ENOX1: variants seen among roughly 807,000 people sequenced by gnomAD.
ENOX1 encodes candidate growth-related and time keeping constitutive hydroquinone (NADH) oxidase.
Under a neutral mutation model 82.5 loss-of-function variants are expected in ENOX1, and 42 were observed. The observed-to-expected ratio is 0.51, with a 90% confidence interval of 0.40 to 0.66. The LOEUF (loss-of-function observed/expected upper bound fraction) is 0.66, where lower values mean the gene tolerates loss of function less well. Ranked by LOEUF, ENOX1 falls within the 30% of genes least tolerant of loss-of-function variation. The pLI, the probability that ENOX1 is intolerant of heterozygous loss-of-function variation, is 0.00. For synonymous variants in ENOX1, 271 were observed against 282.2 expected (o/e 0.96, Z 0.40); for missense variants, 608 against 811.6 (o/e 0.75, Z 3.05).
At chr13:43,770,417 G>T (rs1013134981) in intron 1 of ENOX1, among the ~76,000 whole-genome samples, 3 of 152,108 alleles carry the variant, frequency 2.0e-5, no homozygotes. Flanking sequence ...TATAAAGAAA[G>T]AAATCCTATA....
In ENOX1 at chr13:43,224,010, C is replaced by G. The variant is rs749847183; in HGVS notation, c.1800+43G>C. The G allele has an allele frequency of 2.7e-6, 4 of 1,490,668 alleles. No individual in the cohort carries two copies. The South Asian group carries it at 4.6e-5, about 17-fold the overall frequency. 92.3% of individuals were successfully genotyped at this position (1,490,668 alleles called of 1,614,324 possible). A position where few individuals can be genotyped will look rare whatever the true frequency, so the allele number is the denominator to read the frequency against. On this transcript the variant is annotated intron_variant, in intron 16 of 16. Coordinates refer to ENST00000690772, the MANE Select transcript of ENOX1 (RefSeq NM_001347969.2). The stretch of plus-strand genomic sequence containing the variant: ...CCACCTGCAGGCAGCAATCAACATG[C>G]TAAATTTGAGCAACGAAAGTTCACT...
At chr13:43,236,547 TTTAAA>T in intron 15 of ENOX1, 84 bp downstream of exon 15, 1 of 759,444 alleles carries the variant, frequency 1.3e-6, no homozygotes, top group Non-Finnish European at 2.0e-6. Context: ...GGCAATGCTG[TTTAAA>T]TTAATAAGTT....
chr13:43,225,545 C>T (rs995660030), intron 15 of ENOX1, among the ~76,000 whole-genome samples: 1 of 152,162 alleles, frequency 6.6e-6, no homozygotes, highest in Non-Finnish European at 1.5e-5. Context: ...AGCCTTCATG[C>T]TTGGGAGCCA....
At chr13:43,484,751 T>C (rs932138111) in intron 2 of ENOX1, among the ~76,000 whole-genome samples, 2 of 152,202 alleles carry the variant, frequency 1.3e-5, no homozygotes, top group East Asian at 3.8e-4. Flanking sequence ...ATATTACTAA[T>C]TAATTAAGAA....
In ENOX1 at chr13:43,436,593, AT is replaced by A. The variant is rs2056045330; in HGVS notation, c.-74-23606del. Among the ~76,000 whole-genome samples the A allele has an allele frequency of 7.2e-5, 11 of 152,360 alleles. No homozygotes were observed. The South Asian group carries it at 2.3e-3, about 32-fold the overall frequency. ...ACCTTTCATGGCAGAGAAGAGTTAT[AT>A]AACAGCCTTGATATTGGCCAGCTGC... On this transcript the variant is annotated intron_variant, in intron 3 of 16. Transcript: ENST00000690772.
At chr13:43,382,469 G>A (rs112353335) in intron 5 of ENOX1, among the ~76,000 whole-genome samples, 3,548 of 152,222 alleles carry the variant, frequency 0.023, 149 homozygotes, top group African/African-American at 0.079. Flanking sequence ...CAGGATATAT[G>A]ACAACATGCG....
At chr13:43,751,869 G>A (rs1452862029) in intron 1 of ENOX1, among the ~76,000 whole-genome samples, 1 of 152,138 alleles carries the variant, frequency 6.6e-6, no homozygotes, top group African/African-American at 2.4e-5. Context: ...GTACAGACAC[G>A]TGTTCTTTCC....
At chr13:43,385,203 CT>C (rs1238912617) in intron 5 of ENOX1, among the ~76,000 whole-genome samples, 3 of 151,604 alleles carry the variant, frequency 2.0e-5, no homozygotes, top group Non-Finnish European at 4.4e-5. Flanking sequence ...AAAATTTTAT[CT>C]TATAATATCA....
At chr13:43,781,342 G>T (rs1487473188) in intron 1 of ENOX1, among the ~76,000 whole-genome samples, 1 of 152,076 alleles carries the variant, frequency 6.6e-6, no homozygotes, top group East Asian at 1.9e-4. Context: ...GTAGGTACCG[G>T]GCACTGTTCT....
chr13:43,604,715 T>C (rs1479180234), intron 2 of ENOX1, among the ~76,000 whole-genome samples: 1 of 152,166 alleles, frequency 6.6e-6, no homozygotes, highest in Non-Finnish European at 1.5e-5. Flanking sequence ...ATCTGGAACA[T>C]GACATCAATG....
chr13:43,730,819 G>A (rs79611563), intron 1 of ENOX1, among the ~76,000 whole-genome samples: 5 of 152,130 alleles, frequency 3.3e-5, no homozygotes, highest in African/African-American at 9.7e-5. Flanking sequence ...TTTTGCTCCA[G>A]CTGTTCCTTC....
At chr13:43,367,409 T>A (rs188012583) in intron 5 of ENOX1, among the ~76,000 whole-genome samples, 1 of 152,252 alleles carries the variant, frequency 6.6e-6, no homozygotes, top group Non-Finnish European at 1.5e-5. Context: ...CATACTGGAT[T>A]AGGGTAGGCA....
At chr13:43,474,193 G>A (rs28676815) in intron 3 of ENOX1, among the ~76,000 whole-genome samples, 4,251 of 152,158 alleles carry the variant, frequency 0.028, 171 homozygotes, top group African/African-American at 0.092. Context: ...GCAAGATAGC[G>A]AGGGTTTTTG....
intron 1 of ENOX1, among the ~76,000 whole-genome samples, chr13:43,774,875 G>GT (rs1422149780): frequency 6.6e-6 from 1 of 151,990 alleles, no homozygotes; most frequent in Non-Finnish European, 1.5e-5. Flanking sequence ...TTGAGATGGA[G>GT]TTTCGCTCTT....
At chr13:43,489,455 TCTCAGGCAGC>T (rs1414842306) in intron 2 of ENOX1, among the ~76,000 whole-genome samples, 2 of 152,144 alleles carry the variant, frequency 1.3e-5, no homozygotes, top group Non-Finnish European at 2.9e-5. Flanking sequence ...TCAAAGGATG[TCTCAGGCAGC>T]CTTGGGACCT....
At chr13:43,503,994 G>A (rs1030898947) in intron 2 of ENOX1, among the ~76,000 whole-genome samples, 5 of 151,552 alleles carry the variant, frequency 3.3e-5, no homozygotes, top group African/African-American at 9.7e-5. Flanking sequence ...AGGAATTCCT[G>A]CAACTCAATA....
Position 43,751,713 on chromosome 13 carries a change from G to C in ENOX1, c.-285+34939C>G, listed in dbSNP as rs541308600. On this transcript the variant is annotated intron_variant, in intron 1 of 16. Coordinates refer to ENST00000690772, the MANE Select transcript of ENOX1 (RefSeq NM_001347969.2). ...TACACAGTGTATGAATCAACAGTTC[G>C]TTACATTTTACTGCTGAGTAGTTTC... 5.9e-5 allele frequency among the ~76,000 whole-genome samples: 9 copies of C among 152,186 alleles called. No individual in the cohort carries two copies. The South Asian group carries it at 1.9e-3, about 32-fold the overall frequency.
chr13:43,500,673 C>T (rs534035661), intron 2 of ENOX1, among the ~76,000 whole-genome samples: 16 of 151,912 alleles, frequency 1.1e-4, no homozygotes, highest in African/African-American at 3.9e-4. Context: ...GGTAAATACA[C>T]AGACTAATAC....
At chr13:43,692,149 C>G (rs17064911) in intron 1 of ENOX1, among the ~76,000 whole-genome samples, 3,204 of 152,184 alleles carry the variant, frequency 0.021, 129 homozygotes, top group African/African-American at 0.074. Context: ...GAGAACTTGA[C>G]CTAAGGATCC....
Sources: gnomAD v4.1 joint callset for allele counts (sites outside exome capture counted in the v4.1 genomes callset) on GRCh38, gnomAD v4.1.1 for gene constraint, MANE v1.5 for transcripts, NCBI Gene and HGNC (gene_info 2026-07-23, HGNC 2026-07-21) for gene names.